Variants in XKR4 observed in about 807,000 individuals in gnomAD.
XKR4 encodes XK related 4, also known as XK-related protein 4.
Under a neutral mutation model 53.9 loss-of-function variants are expected in XKR4, and 12 were observed. The ratio of observed to expected loss-of-function variants is 0.22; its 90% confidence interval spans 0.14 to 0.36. The LOEUF is 0.36. Ranked by LOEUF, XKR4 falls within the 10% of genes least tolerant of loss-of-function variation. The pLI is 1.00. For missense variants in XKR4, 799 were observed against 859.5 expected (o/e 0.93, Z 0.88); for synonymous variants, 354 against 362.4 (o/e 0.98, Z 0.26).
chr8:55,354,673 G>A (rs1803773130), intron 1 of XKR4, among the ~76,000 whole-genome samples: 1 of 150,726 alleles, frequency 6.6e-6, no homozygotes. Context: ...TGAAAAGAAA[G>A]TAAGAAAACT....
intron 1 of XKR4, among the ~76,000 whole-genome samples, chr8:55,284,864 C>T (rs1818887581): frequency 6.6e-6 from 1 of 152,174 alleles, no homozygotes; most frequent in Admixed American, 6.5e-5. Flanking sequence ...CCTTTTCACT[C>T]ACAATCTACA....
chr8:55,168,818 A>G (rs909823382), intron 1 of XKR4, among the ~76,000 whole-genome samples: 5 of 152,132 alleles, frequency 3.3e-5, no homozygotes, highest in Non-Finnish European at 7.3e-5. Context: ...CCTTTATGTT[A>G]CAAATGCAGG....
At chr8:55,448,910 AAGGAT>A (rs1313551150) in intron 2 of XKR4, among the ~76,000 whole-genome samples, 4 of 152,228 alleles carry the variant, frequency 2.6e-5, no homozygotes, top group Non-Finnish European at 1.5e-5. Context: ...GTGTTACTGG[AAGGAT>A]AAGCAACTGC....
At chr8:55,488,148 A>G (rs918457432) in intron 2 of XKR4, among the ~76,000 whole-genome samples, 1 of 152,232 alleles carries the variant, frequency 6.6e-6, no homozygotes, top group Admixed American at 6.5e-5. Flanking sequence ...GTAAAAAGTC[A>G]CGGACAATGA....
At chr8:55,142,682 T>G (rs1019641827) in intron 1 of XKR4, among the ~76,000 whole-genome samples, 1 of 152,226 alleles carries the variant, frequency 6.6e-6, no homozygotes, top group Non-Finnish European at 1.5e-5. Context: ...AAATTTCCAG[T>G]TTTGGTAAAT....
At chr8:55,138,313 A>G (rs1466898147) in intron 1 of XKR4, among the ~76,000 whole-genome samples, 1 of 152,202 alleles carries the variant, frequency 6.6e-6, no homozygotes, top group East Asian at 1.9e-4. Context: ...ATCTGTTGAT[A>G]CCAAAACCCA....
intron 1 of XKR4, among the ~76,000 whole-genome samples, chr8:55,148,213 T>C (rs1264492415): frequency 6.6e-6 from 1 of 152,196 alleles, no homozygotes; most frequent in African/African-American, 2.4e-5. Context: ...AGCTCCAGCC[T>C]GGACAACATG....
intron 2 of XKR4, among the ~76,000 whole-genome samples, chr8:55,410,203 AC>A (rs1804754937): frequency 6.6e-6 from 1 of 151,498 alleles, no homozygotes; most frequent in African/African-American, 2.4e-5. Flanking sequence ...CTCAGACAAC[AC>A]CCCATCCTCC....
At chr8:55,225,341 A>C (rs752400586) in intron 1 of XKR4, among the ~76,000 whole-genome samples, 1 of 152,254 alleles carries the variant, frequency 6.6e-6, no homozygotes, top group African/African-American at 2.4e-5. Flanking sequence ...CAATTGTAAT[A>C]TTTAGAAATT....
At chr8:55,210,270 G>C (rs1817712997) in intron 1 of XKR4, among the ~76,000 whole-genome samples, 1 of 152,020 alleles carries the variant, frequency 6.6e-6, no homozygotes, top group Non-Finnish European at 1.5e-5. Context: ...TTTTAGTAGA[G>C]ATGGGGTTTC....
intron 2 of XKR4, among the ~76,000 whole-genome samples, chr8:55,506,918 A>G (rs566157723): frequency 6.6e-6 from 1 of 152,362 alleles, no homozygotes; most frequent in South Asian, 2.1e-4. Flanking sequence ...AATGACAAGA[A>G]TTATTTAACT....
intron 2 of XKR4, among the ~76,000 whole-genome samples, chr8:55,425,954 C>A (rs1371948989): frequency 1.3e-5 from 2 of 152,172 alleles, no homozygotes; most frequent in Non-Finnish European, 2.9e-5. Context: ...AGCACGGGGG[C>A]TCTCAGGGGA....
intron 2 of XKR4, among the ~76,000 whole-genome samples, chr8:55,463,048 C>T (rs2129398403): frequency 6.6e-6 from 1 of 152,260 alleles, no homozygotes; most frequent in Non-Finnish European, 1.5e-5. Flanking sequence ...ACCCCACTGT[C>T]AACATTAGAC....
At chr8:55,168,023 T>A (rs1235120620) in intron 1 of XKR4, among the ~76,000 whole-genome samples, 1 of 152,210 alleles carries the variant, frequency 6.6e-6, no homozygotes, top group Non-Finnish European at 1.5e-5. Flanking sequence ...TAGGTACTTT[T>A]GGGAGATGAT....
chr8:55,464,165 C>G (rs1317735631), intron 2 of XKR4, among the ~76,000 whole-genome samples: 1 of 152,022 alleles, frequency 6.6e-6, no homozygotes, highest in Non-Finnish European at 1.5e-5. Context: ...CTGGCAGAGA[C>G]ACAACAAAAA....
In XKR4 at chr8:55,102,438, G is replaced by A. The variant is rs765209374; in HGVS notation, c.-51G>A. ...GAGGAGGTGGCGGGAGGAGGAGACA[G>A]CGGGGAAAGGTGTCAGATAAAGGAG... On this transcript the variant is annotated 5_prime_UTR_variant, in exon 1 of 3. Transcript: ENST00000327381. This position sits in a 1 kb window ranked among gnomAD's most constrained non-coding sequence, Gnocchi z 5.1. The A allele has an allele frequency of 6.6e-7, 1 of 1,516,680 alleles. No individual in the cohort carries two copies. The highest frequency in any genetic ancestry group is 1.2e-5 in the South Asian group (1 of 84,316). 94.0% of individuals were successfully genotyped at this position (1,516,680 alleles called of 1,614,324 possible). A position where few individuals can be genotyped will look rare whatever the true frequency, so the allele number is the denominator to read the frequency against.
intron 2 of XKR4, among the ~76,000 whole-genome samples, chr8:55,499,950 A>C (rs978734758): frequency 5.3e-5 from 8 of 152,170 alleles, no homozygotes; most frequent in African/African-American, 1.9e-4. Flanking sequence ...ATACCTCTTG[A>C]AAGTAAGAGG....
intron 2 of XKR4, among the ~76,000 whole-genome samples, chr8:55,406,301 AG>A (rs1804680591): frequency 6.6e-6 from 1 of 152,134 alleles, no homozygotes; most frequent in Non-Finnish European, 1.5e-5. Flanking sequence ...TATCAGAAAT[AG>A]GGGTTAAAAA....
chr8:55,209,704 G>A (rs1817703111), intron 1 of XKR4, among the ~76,000 whole-genome samples: 1 of 152,184 alleles, frequency 6.6e-6, no homozygotes, highest in Non-Finnish European at 1.5e-5. Context: ...GCGTGTTGCT[G>A]CAAGGAGCTG....
Sources: gnomAD v4.1 joint callset for allele counts (sites outside exome capture counted in the v4.1 genomes callset) on GRCh38, gnomAD v4.1.1 for gene constraint, Gnocchi (gnomAD v3.1) non-coding constraint, MANE v1.5 for transcripts, NCBI Gene and HGNC (gene_info 2026-07-23, HGNC 2026-07-21) for gene names.